The following ELFN1 variants were observed in gnomAD, a reference collection of about 807,000 sequenced individuals.
The protein encoded by ELFN1 is extracellular leucine rich repeat and fibronectin type III domain containing 1, also known as protein ELFN1.
In ELFN1, 6 loss-of-function variants were observed where a neutral mutation model predicts 7.6. That is an observed-to-expected ratio of 0.79 (90% CI 0.43 to 1.56). ELFN1 has a LOEUF of 1.56. Ranked by LOEUF, ELFN1 falls within the 40% of genes most tolerant of loss-of-function variation. ELFN1 has a pLI of 0.01. For synonymous variants in ELFN1, 657 were observed against 588.1 expected (o/e 1.12, Z -1.70); for missense variants, 1,169 against 1,232.2 (o/e 0.95, Z 0.77).
intron 3 of ELFN1, among the ~76,000 whole-genome samples, chr7:1,742,057 AAC>A (rs528352432): frequency 6.6e-6 from 1 of 152,230 alleles, no homozygotes; most frequent in East Asian, 1.9e-4. Flanking sequence ...TGTGTCCACA[AAC>A]ACACATGCAC....
intron 2 of ELFN1, among the ~76,000 whole-genome samples, chr7:1,701,061 A>ATGCGTGTGTATGTG (rs1420585705): frequency 6.6e-6 from 1 of 151,830 alleles, no homozygotes; most frequent in East Asian, 1.9e-4. Flanking sequence ...TGATGTATGT[A>ATGCGTGTGTATGTG]TGCGTGTGTA....
At chr7:1,691,872 C>A (rs903526415) in intron 2 of ELFN1, 6 of 152,276 alleles carry the variant, frequency 3.9e-5, no homozygotes, top group African/African-American at 7.2e-5. Context: ...AGCGGCGCCT[C>A]GGGCGGTGTG....
chr7:1,732,385 A>T lies in ELFN1; in HGVS notation c.-293-11919A>T, dbSNP rs191407622. Among the ~76,000 whole-genome samples, 23 of 152,000 alleles carry T rather than the reference A, an allele frequency of 1.5e-4. No individual in the cohort carries two copies. The East Asian group carries it at 3.5e-3, about 23-fold the overall frequency. On this transcript the variant is annotated intron_variant, in intron 3 of 3. Coordinates refer to ENST00000424383, the MANE Select transcript of ELFN1 (RefSeq NM_001128636.4). ...CAGTCAGCCCCTTTAAGAAGTGCGG[A>T]CTCTCTCCAGGGTACTGGGGAGCCA... is the stretch of plus-strand genomic sequence containing the variant.
chr7:1,688,031 A>ATTTTTTTT (rs35887249), intron 1 of ELFN1, 27 bp from the exon 2 acceptor site: 2 of 130,592 alleles, frequency 1.5e-5, no homozygotes, highest in African/African-American at 2.9e-5. Flanking sequence ...TGCCTGGCTA[A>ATTTTTTTT]TTTTTTTTTT....
intron 3 of ELFN1, among the ~76,000 whole-genome samples, chr7:1,718,915 C>T (rs1340454583): frequency 6.6e-6 from 1 of 152,186 alleles, no homozygotes; most frequent in African/African-American, 2.4e-5. Flanking sequence ...ATCTCACCTC[C>T]GCGGAGCCAC....
rs576307658 is a variant in ELFN1, at chr7:1,746,066, C to A, written c.1470C>A (p.Gly490=). The change falls in exon 4 of 4, where the codon GGC becomes GGA. Residue 490 remains glycine (G), a synonymous_variant. Coordinates refer to ENST00000424383, the MANE Select transcript of ELFN1 (RefSeq NM_001128636.4). The part of the protein sequence containing the change: ...LAPLSQGPLL[G]PEAVTRIPYL... ...CGCTGTCCCAGGGCCCGCTGCTGGG[C>A]CCCGAGGCCGTGACGCGCATCCCTT... 1.9e-6 allele frequency: 3 copies of A among 1,546,972 alleles called. No homozygotes were observed. The East Asian group carries it at 7.4e-5, about 38-fold the overall frequency.
At chr7:1,720,613 A>G (rs558361296) in intron 3 of ELFN1, among the ~76,000 whole-genome samples, 12 of 152,282 alleles carry the variant, frequency 7.9e-5, no homozygotes, top group African/African-American at 2.9e-4. Flanking sequence ...CAAGAACCTC[A>G]GCAGGTTGTG....
intron 2 of ELFN1, among the ~76,000 whole-genome samples, chr7:1,704,156 C>T (rs982503254): frequency 1.8e-4 from 28 of 152,334 alleles, no homozygotes; most frequent in African/African-American, 6.5e-4. Context: ...GTTCTTGTTA[C>T]GGCTGCCACT....
rs55987021 is a variant in ELFN1 at position 1,690,014 on chromosome 7, C to T, written c.-456+1864C>T. Among the ~76,000 whole-genome samples, 847 of 152,296 alleles carry T rather than the reference C, an allele frequency of 5.6e-3. 7 individuals are homozygous for T. The highest frequency in any genetic ancestry group is 6.9e-3 in the Non-Finnish European group (469 of 68,014). ...GACTCTAGCCCTAGCACACAACTGG[C>T]ACATTCCCTTCTTGACATATGCATC... On this transcript the variant is annotated intron_variant, in intron 2 of 3. Coordinates refer to ENST00000424383, the MANE Select transcript of ELFN1 (RefSeq NM_001128636.4).
At chr7:1,693,071 A>T (rs910497473) in intron 2 of ELFN1, 2 of 318,582 alleles carry the variant, frequency 6.3e-6, no homozygotes, top group Non-Finnish European at 1.3e-5. Flanking sequence ...GGCTGTGAGG[A>T]TTCAGCCCCA....
chr7:1,676,281 G>A (rs976635159), intron 1 of ELFN1, among the ~76,000 whole-genome samples: 1 of 152,176 alleles, frequency 6.6e-6, no homozygotes, highest in Non-Finnish European at 1.5e-5. Flanking sequence ...TGTTTGCCCC[G>A]TGGAAGCTGT....
At position 1,670,705 on chromosome 7, in the gene ELFN1, G is replaced by A. The variant is rs1239278619; in HGVS notation, c.-549+351G>A. Among the ~76,000 whole-genome samples, 1 of 151,874 alleles carries A rather than the reference G, an allele frequency of 6.6e-6. No homozygotes were observed. Among genetic ancestry groups the A allele is most frequent in the Non-Finnish European group, 1.5e-5 (1 of 67,946 alleles). ...CCCCTTCGCCGTCCGCACCCTGCCCGGCGCCCCCCAGACGCGGCCCCCTGC... is the reference window on the plus strand; with the variant it reads ...CCCCTTCGCCGTCCGCACCCTGCCCAGCGCCCCCCAGACGCGGCCCCCTGC... On this transcript the variant is annotated intron_variant, in intron 1 of 3. Transcript: ENST00000424383. This position sits in a 1 kb window ranked among gnomAD's most constrained non-coding sequence, Gnocchi z 6.4.
At chr7:1,723,744 T>C (rs1780096370) in intron 3 of ELFN1, among the ~76,000 whole-genome samples, 1 of 152,232 alleles carries the variant, frequency 6.6e-6, no homozygotes, top group South Asian at 2.1e-4. Flanking sequence ...TACTGGGTCC[T>C]GCTGTCATTG....
Position 1,735,242 on chromosome 7 carries a change from G to A in ELFN1, c.-293-9062G>A, listed in dbSNP as rs139931389. Among the ~76,000 whole-genome samples, 146 of 152,304 alleles carry A rather than the reference G, an allele frequency of 9.6e-4. No homozygotes were observed. The highest frequency in any genetic ancestry group is 3.2e-3 in the African/African-American group (134 of 41,572). On this transcript the variant is annotated intron_variant, in intron 3 of 3. Coordinates refer to ENST00000424383, the MANE Select transcript of ELFN1 (RefSeq NM_001128636.4). This position sits in a 1 kb window ranked among gnomAD's most constrained non-coding sequence, Gnocchi z 5.9. ...TTTCTCTGTTGCACACTTGTAGGGT[G>A]TTCCTGCTCTTGGGGGCAGGGCAGG...
At chr7:1,719,502 C>T (rs953713900) in intron 3 of ELFN1, among the ~76,000 whole-genome samples, 4 of 152,220 alleles carry the variant, frequency 2.6e-5, no homozygotes, top group Admixed American at 2.0e-4. Context: ...CCCCTGGAGA[C>T]CCCTGTGTCT....
chr7:1,726,242 G>A (rs928316051), intron 3 of ELFN1, among the ~76,000 whole-genome samples: 9 of 152,172 alleles, frequency 5.9e-5, no homozygotes, highest in Non-Finnish European at 1.3e-4. Context: ...TGCTGGGATG[G>A]GGACATGAGC....
chr7:1,673,886 G>A lies in ELFN1; in HGVS notation c.-549+3532G>A, dbSNP rs1410293319. 1.3e-5 allele frequency among the ~76,000 whole-genome samples: 2 copies of A among 152,328 alleles called. No individual in the cohort carries two copies. Among genetic ancestry groups the A allele is most frequent in the Admixed American group, 6.5e-5 (1 of 15,302 alleles). ...TCCACACCTGTAGAGCTGTCCTGGG[G>A]CAGCTGGGGTCTTGGTCTTGGAGAA... On this transcript the variant is annotated intron_variant, in intron 1 of 3. Transcript: ENST00000424383. The surrounding 1 kb of genome is among the most constrained non-coding windows in gnomAD (Gnocchi z 4.7).
rs918592176 is a variant in ELFN1, at chr7:1,744,553, C to T, written c.-44C>T. 6.2e-6 allele frequency: 9 copies of T among 1,445,430 alleles called. 1 individual carries two copies. In the Admixed American group the frequency reaches 1.2e-4, roughly 19 times the overall value. 89.5% of individuals were successfully genotyped at this position (1,445,430 alleles called of 1,614,324 possible). A position where few individuals can be genotyped will look rare whatever the true frequency, so the allele number is the denominator to read the frequency against. On this transcript the variant is annotated 5_prime_UTR_variant, in exon 4 of 4. Coordinates refer to ENST00000424383, the MANE Select transcript of ELFN1 (RefSeq NM_001128636.4). ...GCTGGCGCCTGGCCCCCCACCTGGT[C>T]CCCCTGGGCAGGCTGAATTGGGGCT... is the stretch of plus-strand genomic sequence containing the variant.
At chr7:1,720,583 C>G (rs760868687) in intron 3 of ELFN1, among the ~76,000 whole-genome samples, 1 of 152,208 alleles carries the variant, frequency 6.6e-6, no homozygotes, top group African/African-American at 2.4e-5. Context: ...CCAGATGGCT[C>G]TTTGCGCCAG....
Sources: gnomAD v4.1 joint callset for allele counts (sites outside exome capture counted in the v4.1 genomes callset) on GRCh38, gnomAD v4.1.1 for gene constraint, Gnocchi (gnomAD v3.1) non-coding constraint, MANE v1.5 for transcripts, NCBI Gene and HGNC (gene_info 2026-07-23, HGNC 2026-07-21) for gene names.